PRKAR1A: variants seen among roughly 807,000 people sequenced by gnomAD.
PRKAR1A encodes the protein protein kinase cAMP-dependent type I regulatory subunit alpha.
PRKAR1A carries 3 observed loss-of-function variants against 52.0 expected under a neutral mutation model. The ratio of observed to expected loss-of-function variants is 0.06; its 90% confidence interval spans 0.03 to 0.15. PRKAR1A has a LOEUF of 0.15. PRKAR1A is among the 10% of genes least tolerant of loss of function. The probability of loss-of-function intolerance (pLI) is 1.00; values close to 1 mark genes in which losing one functional copy is unlikely to be tolerated. For missense variants in PRKAR1A, 240 were observed against 477.4 expected, an observed-to-expected ratio of 0.50 and a Z score of 4.63; for synonymous variants, 188 against 168.4, an observed-to-expected ratio of 1.12 and a Z score of -0.90.
chr17:68,464,934 T>G, the PRKAR1A span, among the ~76,000 whole-genome samples: 18 of 150,476 alleles, frequency 1.2e-4, no homozygotes, highest in Middle Eastern at 3.4e-3. Flanking sequence ...GTGTGGGTTT[T>G]TTTTTTTTTT....
chr17:68,549,532 A>G (rs1186731314), intron 11 of PRKAR1A, among the ~76,000 whole-genome samples: 1 of 151,452 alleles, frequency 6.6e-6, no homozygotes, highest in Non-Finnish European at 1.5e-5. Context: ...CTATTGTGCC[A>G]CATAAAAATT....
upstream of PRKAR1A, among the ~76,000 whole-genome samples, chr17:68,511,482 G>A (rs570509757): frequency 6.6e-6 from 1 of 152,264 alleles, no homozygotes; most frequent in South Asian, 2.1e-4. Context: ...TTTCTTGTTG[G>A]GTCACAGGGC....
At chr17:68,500,654 C>T in the PRKAR1A span, among the ~76,000 whole-genome samples, 1 of 152,046 alleles carries the variant, frequency 6.6e-6, no homozygotes, top group East Asian at 1.9e-4. Context: ...GCTGGGATTA[C>T]AGGTGCCCAC....
intron 11 of PRKAR1A, chr17:68,539,735 A>G (rs1038033596): frequency 6.7e-6 from 5 of 745,132 alleles, no homozygotes; most frequent in Admixed American, 2.1e-5. Context: ...AAAGAGAAAG[A>G]AGGAAATGGA....
chr17:68,439,075 CA>C, the PRKAR1A span, among the ~76,000 whole-genome samples: 4 of 152,136 alleles, frequency 2.6e-5, no homozygotes, highest in Non-Finnish European at 4.4e-5. Context: ...GAACGTTTAG[CA>C]GTTCTTCAAA....
chr17:68,446,181 T>C, the PRKAR1A span, among the ~76,000 whole-genome samples: 5 of 151,904 alleles, frequency 3.3e-5, no homozygotes, highest in Non-Finnish European at 7.4e-5. Context: ...TAAACACATT[T>C]CTCAATTTTT....
the PRKAR1A span, chr17:68,444,344 G>C: frequency 1.5e-6 from 1 of 687,050 alleles, no homozygotes; most frequent in Admixed American, 2.9e-5. Flanking sequence ...TGAATCTGCC[G>C]CCATTAAGAC....
chr17:68,550,409 C>T (rs921934568), intron 11 of PRKAR1A, among the ~76,000 whole-genome samples: 3 of 114,470 alleles, frequency 2.6e-5, no homozygotes, highest in Admixed American at 1.2e-4. Context: ...GATAGAGAGT[C>T]TCCCTCTGTT....
chr17:68,519,207 G>C (rs2085527060), intron 2 of PRKAR1A, among the ~76,000 whole-genome samples: 1 of 152,132 alleles, frequency 6.6e-6, no homozygotes, highest in Non-Finnish European at 1.5e-5. Context: ...CCCACGCTCT[G>C]TGTACCATTT....
chr17:68,476,674 CTCTTTCTT>C, the PRKAR1A span, among the ~76,000 whole-genome samples: 1 of 151,118 alleles, frequency 6.6e-6, no homozygotes, highest in Non-Finnish European at 1.5e-5. Flanking sequence ...CTCTCTTTCT[CTCTTTCTT>C]TCTTTCTTAG....
At chr17:68,504,284 A>C in the PRKAR1A span, among the ~76,000 whole-genome samples, 1 of 150,492 alleles carries the variant, frequency 6.6e-6, no homozygotes, top group Non-Finnish European at 1.5e-5. Flanking sequence ...GACCAACATG[A>C]TGAAACCCCA....
the PRKAR1A span, among the ~76,000 whole-genome samples, chr17:68,499,368 A>AAGAGAG: frequency 0.099 from 13,830 of 140,094 alleles, 740 homozygotes; most frequent in East Asian, 0.24. Context: ...AAGGGAGGAA[A>AAGAGAG]AGAGAGAGAG....
chr17:68,509,727 GT>G (rs2085238186), upstream of PRKAR1A, among the ~76,000 whole-genome samples: 1 of 152,190 alleles, frequency 6.6e-6, no homozygotes, highest in Non-Finnish European at 1.5e-5. Context: ...AGGCTATTTA[GT>G]TTTTCAGAAC....
chr17:68,470,866 T>C, the PRKAR1A span, among the ~76,000 whole-genome samples: 10 of 152,314 alleles, frequency 6.6e-5, no homozygotes, highest in South Asian at 1.4e-3. Context: ...GTATGAAAGA[T>C]TGCCAAGCTA....
At chr17:68,435,623 T>C in the PRKAR1A span, 2 of 1,614,020 alleles carry the variant, frequency 1.2e-6, no homozygotes, top group Admixed American at 1.7e-5. Flanking sequence ...GACTCACTTT[T>C]TCAGACGCAC....
chr17:68,416,276 C>T, the PRKAR1A span, among the ~76,000 whole-genome samples: 57,875 of 151,870 alleles, frequency 0.38, 12,428 homozygotes, highest in Admixed American at 0.52. Flanking sequence ...TCATATATGA[C>T]GCTTATTTTT....
At chr17:68,433,639 A>C in the PRKAR1A span, 1 of 1,332,266 alleles carries the variant, frequency 7.5e-7, no homozygotes, top group Admixed American at 1.9e-5. Flanking sequence ...CTTATAACTC[A>C]GAGATCAGCT....
the PRKAR1A span, among the ~76,000 whole-genome samples, chr17:68,454,580 G>A: frequency 1.3e-5 from 2 of 152,188 alleles, no homozygotes; most frequent in African/African-American, 2.4e-5. Context: ...CTTAGAACTG[G>A]CATTTAGTAC....
At chr17:68,518,091 C>A (rs528064957) in intron 2 of PRKAR1A, among the ~76,000 whole-genome samples, 3 of 152,388 alleles carry the variant, frequency 2.0e-5, no homozygotes, top group Non-Finnish European at 4.4e-5. Context: ...TGGCCTTGGG[C>A]AGCTCCGCCC....
Sources: allele counts gnomAD v4.1 joint callset (sites outside exome capture counted in the v4.1 genomes callset), GRCh38; gene constraint gnomAD v4.1.1; transcripts MANE v1.5; gene names NCBI Gene and HGNC (gene_info 2026-07-23, HGNC 2026-07-21).